Variants in CHD9 observed in about 807,000 individuals in gnomAD.
The protein encoded by CHD9 is ATP-dependent chromatin remodeler CHD9.
A neutral mutation model predicts 316.1 loss-of-function variants in CHD9; 77 were observed. The observed-to-expected ratio is 0.24, with a 90% CI of 0.20 to 0.29. The LOEUF (loss-of-function observed/expected upper bound fraction) is 0.29, where lower values mean the gene tolerates loss of function less well. Among genes scored for constraint, CHD9 ranks in the 10% least tolerant of loss-of-function variants. CHD9 has a pLI of 1.00. For synonymous variants in CHD9, 1,129 were observed against 1,158.3 expected, an observed-to-expected ratio of 0.97 and a Z score of 0.51; for missense variants, 2,763 against 3,438.1, an observed-to-expected ratio of 0.80 and a Z score of 4.91.
chr16:53,304,449 C>G lies in CHD9; in HGVS notation c.6443C>G (p.Ser2148Cys). The G allele has an allele frequency of 6.3e-7, 1 of 1,581,096 alleles. No individual in the cohort carries two copies. The highest frequency in any genetic ancestry group is 1.2e-5 in the South Asian group (1 of 86,328). The change falls in exon 31 of 39, where the codon TCT becomes TGT. Residue 2148 changes from serine to cysteine, a missense_variant. Around this residue, in one of 15 missense-constraint regions of CHD9, gnomAD observed 663 missense variants for 751.2 expected, o/e 0.88. Coordinates refer to ENST00000447540, the MANE Select transcript of CHD9 (RefSeq NM_001308319.2). ...AGATCATCTTGTTCTTCCAGATCAT[C>G]TTCTTCCTCATCATCCTCTTCTTGC... Reference protein sequence around the residue: ...SERSSCSSRSSSSSSSSSCSH... With the variant: ...SERSSCSSRSCSSSSSSSCSH...
Position 53,157,253 on chromosome 16 carries a change from G to T in CHD9, c.1164G>T (p.Glu388Asp), listed in dbSNP as rs1490981223. ...VETNGFSSLEENLLHQVESQT... is the reference protein window; with the variant it reads ...VETNGFSSLEDNLLHQVESQT... ...CTAATGGCTTTTCATCTTTAGAAGA[G>T]AATTTACTTCATCAAGTGGAATCTC... The change falls in exon 2 of 39, where the codon GAG becomes GAT. Residue 388 changes from glutamate (E) to aspartate (D), a missense_variant. Physicochemically the swap from Glu to Asp is conservative, Grantham distance 45. This residue lies in a region of CHD9 where 859 missense variants were observed against 890.4 expected (regional missense o/e 0.96). Transcript: ENST00000447540. The T allele has an allele frequency of 1.9e-6, 3 of 1,601,850 alleles. No individual in the cohort carries two copies. Among genetic ancestry groups the T allele is most frequent in the South Asian group, 2.2e-5 (2 of 89,616 alleles).
intron 2 of CHD9, chr16:53,208,069 A>G (rs528620153): frequency 4.0e-5 from 40 of 1,000,734 alleles, no homozygotes; most frequent in Middle Eastern, 1.0e-3. Context: ...GCTTACAGCT[A>G]TTGAGGAAAC....
At chr16:53,104,773 C>T (rs960237179) in intron 1 of CHD9, among the ~76,000 whole-genome samples, 1 of 148,556 alleles carries the variant, frequency 6.7e-6, no homozygotes, top group Non-Finnish European at 1.5e-5. Flanking sequence ...GATCGTGCCA[C>T]TGCACTCCAG....
At chr16:53,255,541 C>A in intron 18 of CHD9, 59 bp from the exon 19 acceptor site, 1 of 1,493,408 alleles carries the variant, frequency 6.7e-7, no homozygotes, top group Non-Finnish European at 9.2e-7. Flanking sequence ...TTTAGGGATA[C>A]TTTCTCACTT....
chr16:53,301,289 A>G (rs779904476), intron 30 of CHD9, among the ~76,000 whole-genome samples: 1 of 152,212 alleles, frequency 6.6e-6, no homozygotes, highest in Non-Finnish European at 1.5e-5. Flanking sequence ...GTTAAAAAAA[A>G]ATGTGAGTGA....
chr16:53,242,461 CTATTATATTTGT>C (rs2152950814), intron 12 of CHD9, among the ~76,000 whole-genome samples: 1 of 152,190 alleles, frequency 6.6e-6, no homozygotes, highest in African/African-American at 2.4e-5. Context: ...TATTTATTTG[CTATTATATTTGT>C]GAACTCATTG....
At chr16:53,061,857 A>G (rs1022036629) in intron 1 of CHD9, among the ~76,000 whole-genome samples, 4 of 152,226 alleles carry the variant, frequency 2.6e-5, no homozygotes, top group African/African-American at 4.8e-5. Context: ...TGTCTCCAAC[A>G]AAGTGTTTCT....
intron 1 of CHD9, among the ~76,000 whole-genome samples, chr16:53,132,121 CT>C (rs1006592447): frequency 6.6e-5 from 10 of 151,410 alleles, no homozygotes; most frequent in Non-Finnish European, 8.8e-5. Context: ...GGGTGGTTTG[CT>C]TTTTTTTCTT....
chr16:53,096,720 T>C (rs771118868), intron 1 of CHD9, among the ~76,000 whole-genome samples: 2 of 152,174 alleles, frequency 1.3e-5, no homozygotes, highest in Non-Finnish European at 2.9e-5. Flanking sequence ...CACTTGAAAC[T>C]GGATAATTGA....
At chr16:53,129,415 G>C (rs770147745) in intron 1 of CHD9, among the ~76,000 whole-genome samples, 11 of 152,214 alleles carry the variant, frequency 7.2e-5, no homozygotes, top group Non-Finnish European at 1.2e-4. Context: ...GTATCCTTCA[G>C]GGAATCAAAG....
At chr16:53,248,875 C>T (rs2152963616) in intron 16 of CHD9, among the ~76,000 whole-genome samples, 1 of 152,212 alleles carries the variant, frequency 6.6e-6, no homozygotes, top group African/African-American at 2.4e-5. Flanking sequence ...AAGGTCTATA[C>T]TGATTTATAT....
At position 53,242,744 on chromosome 16, in the gene CHD9, A is replaced by G. The variant is rs1597603029; in HGVS notation, c.2878-96A>G. Reference sequence around the variant, plus strand: ...TGCATATGTAAAAATTTCATTAGAAATGTTTTATAACAGATGTTATCTGAT... The same window carrying G: ...TGCATATGTAAAAATTTCATTAGAAGTGTTTTATAACAGATGTTATCTGAT... On this transcript the variant is annotated intron_variant, in intron 12 of 38. Transcript: ENST00000447540. 5 of 1,087,520 alleles carry G rather than the reference A, an allele frequency of 4.6e-6. No homozygotes were observed. In the East Asian group the frequency reaches 1.2e-4, roughly 26 times the overall value. The allele number at this position is 1,087,520 out of a possible 1,614,324, so 67.4% of individuals were successfully genotyped here.
intron 4 of CHD9, among the ~76,000 whole-genome samples, 164 bp downstream of exon 4, chr16:53,222,919 CA>C (rs1173492572): frequency 6.6e-6 from 1 of 152,064 alleles, no homozygotes; most frequent in Non-Finnish European, 1.5e-5. Context: ...GTAATATTAC[CA>C]TAGAATATTA....
chr16:53,098,476 A>G (rs1206261825), intron 1 of CHD9, among the ~76,000 whole-genome samples: 2 of 71,456 alleles, frequency 2.8e-5, no homozygotes, highest in Non-Finnish European at 8.6e-5. Flanking sequence ...ACTCCGTCTC[A>G]AAAAAAAAAA....
rs764928068 is a variant in CHD9, at chr16:53,075,683, C to T, written c.-165+20606C>T. On this transcript the variant is annotated intron_variant, in intron 1 of 38. Coordinates refer to ENST00000447540, the MANE Select transcript of CHD9 (RefSeq NM_001308319.2). ...CTGCTACATAAGAAGTGCCTTTTGC[C>T]TCTCGCCATGATTCCGAGGCCTCCC... Among the ~76,000 whole-genome samples the T allele has an allele frequency of 3.3e-5, 5 of 152,310 alleles. No individual in the cohort carries two copies. In the South Asian group the frequency reaches 8.3e-4, roughly 25 times the overall value.
Position 53,304,555 on chromosome 16 carries a change from T to TTCCTCC in CHD9, c.6561_6566dup (p.Ser2192_Ser2193dup). On this transcript the variant is annotated inframe_insertion, in exon 31 of 39. Coordinates refer to ENST00000447540, the MANE Select transcript of CHD9 (RefSeq NM_001308319.2). ...CTTCTTCATCCTCTTCCTCCACCTC[T>TTCCTCC]TCCTCCTCCTCCTCCTCTTCATCTT... 6.5e-7 allele frequency: 1 copy of TTCCTCC among 1,540,720 alleles called. No homozygotes were observed. Among genetic ancestry groups the TTCCTCC allele is most frequent in the Non-Finnish European group, 8.8e-7 (1 of 1,136,962 alleles).
chr16:53,058,732 G>T (rs1163601750), intron 1 of CHD9, among the ~76,000 whole-genome samples: 3 of 152,220 alleles, frequency 2.0e-5, no homozygotes, highest in Non-Finnish European at 4.4e-5. Flanking sequence ...GACGTTCCAT[G>T]CTGTTAAATG....
At chr16:53,312,377 T>C (rs920647282) in intron 34 of CHD9, among the ~76,000 whole-genome samples, 1 of 152,188 alleles carries the variant, frequency 6.6e-6, no homozygotes, top group African/African-American at 2.4e-5. Flanking sequence ...CATTGCTTTC[T>C]GGAAACTTAG....
chr16:53,137,720 T>A (rs2039825134), intron 1 of CHD9, among the ~76,000 whole-genome samples: 1 of 152,136 alleles, frequency 6.6e-6, no homozygotes, highest in South Asian at 2.1e-4. Context: ...ATATAAACAT[T>A]TTTGGTTCAA....
Sources: gnomAD v4.1 joint callset for allele counts (sites outside exome capture counted in the v4.1 genomes callset) on GRCh38, gnomAD v4.1.1 for gene constraint, gnomAD v4.1.1 regional missense constraint, MANE v1.5 for transcripts, NCBI Gene and HGNC (gene_info 2026-07-23, HGNC 2026-07-21) for gene names.